IL1RAP: variants seen among roughly 807,000 people sequenced by gnomAD.
The protein encoded by IL1RAP is interleukin-1 receptor accessory protein.
IL1RAP carries 35 observed loss-of-function variants against 60.7 expected under a neutral mutation model. The observed-to-expected ratio is 0.58, with a 90% confidence interval of 0.44 to 0.76. The LOEUF (loss-of-function observed/expected upper bound fraction) is 0.76, where lower values mean the gene tolerates loss of function less well. Ranked by LOEUF, IL1RAP falls within the 30% of genes least tolerant of loss-of-function variation. IL1RAP has a pLI of 0.00. For synonymous variants in IL1RAP, 268 were observed against 250.9 expected, an observed-to-expected ratio of 1.07 and a Z score of -0.64; for missense variants, 572 against 693.9, an observed-to-expected ratio of 0.82 and a Z score of 1.97.
chr3:190,514,751 G>T (rs1201133413), intron 1 of IL1RAP, among the ~76,000 whole-genome samples: 1 of 152,220 alleles, frequency 6.6e-6, no homozygotes, highest in African/African-American at 2.4e-5. Context: ...GAGGGTGTCG[G>T]ACCAGCTTCT....
At chr3:190,552,320 C>G (rs186278101) in intron 1 of IL1RAP, among the ~76,000 whole-genome samples, 15 of 152,148 alleles carry the variant, frequency 9.9e-5, no homozygotes, top group Non-Finnish European at 1.8e-4. Context: ...TGATTTCAAT[C>G]CTCAATTTAC....
intron 3 of IL1RAP, among the ~76,000 whole-genome samples, chr3:190,580,880 A>G (rs142858261): frequency 3.7e-4 from 57 of 152,336 alleles, no homozygotes; most frequent in South Asian, 2.7e-3. Flanking sequence ...GTGTATGTTT[A>G]TGGCATAGAT....
intron 3 of IL1RAP, among the ~76,000 whole-genome samples, chr3:190,570,597 G>A (rs146649276): frequency 1.4e-3 from 219 of 151,614 alleles, no homozygotes; most frequent in Non-Finnish European, 2.6e-3. Context: ...ACGGAGCTTC[G>A]CTCTTGTTGC....
intron 2 of IL1RAP, among the ~76,000 whole-genome samples, chr3:190,561,456 C>A (rs886571808): frequency 6.6e-6 from 1 of 152,150 alleles, no homozygotes; most frequent in Non-Finnish European, 1.5e-5. Context: ...ATTAGCTTTG[C>A]CTTGGTGACC....
At chr3:190,537,295 T>C (rs1386036467) in intron 1 of IL1RAP, among the ~76,000 whole-genome samples, 3 of 152,174 alleles carry the variant, frequency 2.0e-5, no homozygotes, top group Admixed American at 6.5e-5. Context: ...TTGAGTTTCC[T>C]AGGCATCCCA....
At chr3:190,615,871 A>G (rs1448198464) in intron 5 of IL1RAP, among the ~76,000 whole-genome samples, 1 of 152,194 alleles carries the variant, frequency 6.6e-6, no homozygotes, top group African/African-American at 2.4e-5. Flanking sequence ...AAGTTAGTTC[A>G]AGGTCTGTGT....
At chr3:190,595,293 G>A (rs1261331114) in intron 3 of IL1RAP, among the ~76,000 whole-genome samples, 1 of 152,102 alleles carries the variant, frequency 6.6e-6, no homozygotes, top group African/African-American at 2.4e-5. Flanking sequence ...GTCCGCCTTG[G>A]AATTATGTCT....
intron 1 of IL1RAP, chr3:190,518,717 A>C (rs1721749402): frequency 6.6e-6 from 1 of 152,492 alleles, no homozygotes; most frequent in Non-Finnish European, 1.5e-5. Context: ...AGGCCAAAAA[A>C]GAGAACTTGT....
At chr3:190,566,667 T>C (rs533048906) in intron 3 of IL1RAP, among the ~76,000 whole-genome samples, 60 of 152,310 alleles carry the variant, frequency 3.9e-4, no homozygotes, top group South Asian at 1.2e-3. Flanking sequence ...TGGCACGTAC[T>C]CATTTGCCTT....
At chr3:190,531,530 A>G (rs1490103374) in intron 1 of IL1RAP, among the ~76,000 whole-genome samples, 2 of 152,200 alleles carry the variant, frequency 1.3e-5, no homozygotes, top group Admixed American at 6.5e-5. Context: ...AGGGCATTCC[A>G]TAAGTCTTCC....
chr3:190,540,869 T>C (rs908722902), intron 1 of IL1RAP, among the ~76,000 whole-genome samples: 4 of 152,144 alleles, frequency 2.6e-5, no homozygotes, highest in African/African-American at 9.7e-5. Flanking sequence ...CACTCTTTTA[T>C]GAAGCCAAAC....
intron 1 of IL1RAP, among the ~76,000 whole-genome samples, chr3:190,553,048 G>A (rs1725003551): frequency 6.6e-6 from 1 of 152,142 alleles, no homozygotes; most frequent in African/African-American, 2.4e-5. Context: ...TCAACAAATA[G>A]CAAAAGCAAA....
chr3:190,629,889 C>A (rs1024947), intron 9 of IL1RAP: 16 of 975,182 alleles, frequency 1.6e-5, no homozygotes, highest in Non-Finnish European at 1.8e-5. Context: ...TCATGGTAGA[C>A]TTCAAGAGTC....
At chr3:190,559,400 A>G (rs1477288497) in intron 2 of IL1RAP, among the ~76,000 whole-genome samples, 1 of 152,006 alleles carries the variant, frequency 6.6e-6, no homozygotes, top group Non-Finnish European at 1.5e-5. Flanking sequence ...TTTCTACTCT[A>G]TAAAATTTCC....
intron 9 of IL1RAP, 135 bp downstream of exon 9, chr3:190,629,633 A>G: frequency 1.4e-6 from 2 of 1,398,060 alleles, no homozygotes; most frequent in South Asian, 3.7e-5. Context: ...AATGAATCAA[A>G]CTTAAATGAA....
chr3:190,517,891 C>A (rs1196828635), intron 1 of IL1RAP: 2 of 152,068 alleles, frequency 1.3e-5, no homozygotes, highest in Non-Finnish European at 2.9e-5. Context: ...TCTGGTGAGT[C>A]ACTGTTGCCT....
intron 9 of IL1RAP, among the ~76,000 whole-genome samples, chr3:190,633,048 T>C (rs1026378007): frequency 9.4e-5 from 14 of 149,158 alleles, no homozygotes; most frequent in Non-Finnish European, 1.8e-4. Context: ...TTTTTTCTTT[T>C]TGAAGATTGA....
chr3:190,518,445 G>T (rs1464436375), intron 1 of IL1RAP: 1 of 152,028 alleles, frequency 6.6e-6, no homozygotes, highest in East Asian at 1.9e-4. Context: ...ATCATTATTT[G>T]TGCTGAGTAT....
At chr3:190,635,820 T>C (rs555777650) in intron 9 of IL1RAP, among the ~76,000 whole-genome samples, 106 of 152,324 alleles carry the variant, frequency 7.0e-4, no homozygotes, top group African/African-American at 2.4e-3. Context: ...AACTTAGAAC[T>C]ACCTGAGAGA....
Sources: gnomAD v4.1 joint callset for allele counts (sites outside exome capture counted in the v4.1 genomes callset) on GRCh38, gnomAD v4.1.1 for gene constraint, MANE v1.5 for transcripts, NCBI Gene and HGNC (gene_info 2026-07-23, HGNC 2026-07-21) for gene names.